The following ATP8A2 variants were observed in gnomAD, a reference collection of about 807,000 sequenced individuals.
ATP8A2 encodes phospholipid-transporting ATPase IB.
Under a neutral mutation model 165.6 loss-of-function variants are expected in ATP8A2, and 100 were observed. The ratio of observed to expected loss-of-function variants is 0.60; its 90% CI spans 0.51 to 0.71. The LOEUF (loss-of-function observed/expected upper bound fraction) is 0.71, where lower values mean the gene tolerates loss of function less well. Among genes scored for constraint, ATP8A2 ranks in the 30% least tolerant of loss-of-function variants. ATP8A2 has a pLI of 0.00. For missense variants in ATP8A2, 1,227 were observed against 1,479.5 expected (o/e 0.83, Z 2.80); for synonymous variants, 543 against 548.8 (o/e 0.99, Z 0.15).
chr13:25,841,612 A>G (rs1363224811), intron 30 of ATP8A2, among the ~76,000 whole-genome samples: 1 of 152,206 alleles, frequency 6.6e-6, no homozygotes, highest in East Asian at 1.9e-4. Context: ...GAAAAAAATC[A>G]TTATATTATT....
chr13:25,711,684 G>T (rs538307436), intron 25 of ATP8A2, among the ~76,000 whole-genome samples: 3 of 152,204 alleles, frequency 2.0e-5, no homozygotes, highest in East Asian at 1.9e-4. Context: ...CTTCCACTAG[G>T]GTCACAAGTC....
At chr13:25,955,064 G>A (rs1389276417) in intron 33 of ATP8A2, among the ~76,000 whole-genome samples, 1 of 152,180 alleles carries the variant, frequency 6.6e-6, no homozygotes, top group East Asian at 1.9e-4. Flanking sequence ...AGCTAAAGGA[G>A]CATGTTCTAA....
chr13:25,671,485 A>C (rs1483334014), intron 24 of ATP8A2, among the ~76,000 whole-genome samples: 2 of 152,198 alleles, frequency 1.3e-5, no homozygotes, highest in African/African-American at 2.4e-5. Context: ...AATATCGCTG[A>C]ATTCTTTTTC....
chr13:25,636,408 G>T (rs1261540002), intron 24 of ATP8A2, among the ~76,000 whole-genome samples: 2 of 152,222 alleles, frequency 1.3e-5, no homozygotes, highest in East Asian at 1.9e-4. Flanking sequence ...GTATCCTCGG[G>T]ATAGAATCCT....
intron 2 of ATP8A2, among the ~76,000 whole-genome samples, chr13:25,509,759 A>G (rs2037162257): frequency 6.6e-6 from 1 of 152,246 alleles, no homozygotes; most frequent in East Asian, 1.9e-4. Context: ...AGTAAATTAA[A>G]TGAAAAGATG....
chr13:25,872,578 C>T (rs1374393232), intron 33 of ATP8A2, among the ~76,000 whole-genome samples: 4 of 152,046 alleles, frequency 2.6e-5, no homozygotes, highest in African/African-American at 7.2e-5. Context: ...CTTCTTTACC[C>T]AAGGAAAAGA....
chr13:25,845,374 C>T (rs1474082563), intron 30 of ATP8A2, among the ~76,000 whole-genome samples: 1 of 152,080 alleles, frequency 6.6e-6, no homozygotes. Context: ...AGGAAGTATT[C>T]AGATTTTTCT....
At chr13:25,743,624 T>G (rs74037420) in intron 25 of ATP8A2, among the ~76,000 whole-genome samples, 4,330 of 152,256 alleles carry the variant, frequency 0.028, 200 homozygotes, top group African/African-American at 0.098. Flanking sequence ...GGTAGATGTA[T>G]CATCAGGTTC....
At chr13:25,381,519 G>T (rs1201063011) in intron 1 of ATP8A2, among the ~76,000 whole-genome samples, 1 of 152,132 alleles carries the variant, frequency 6.6e-6, no homozygotes, top group African/African-American at 2.4e-5. Context: ...TTTTAAAATT[G>T]TTCAAGACTT....
At chr13:25,667,037 A>G (rs756424962) in intron 24 of ATP8A2, among the ~76,000 whole-genome samples, 3 of 152,194 alleles carry the variant, frequency 2.0e-5, no homozygotes, top group Non-Finnish European at 4.4e-5. Flanking sequence ...AAAGTGAACA[A>G]TTCAGTATAT....
chr13:25,655,149 G>A (rs923729860), intron 24 of ATP8A2, among the ~76,000 whole-genome samples: 3 of 152,026 alleles, frequency 2.0e-5, no homozygotes, highest in Admixed American at 2.0e-4. Context: ...TTCTTCAGTG[G>A]AGTTCTTTTT....
Position 25,786,858 on chromosome 13 carries a change from C to T in ATP8A2, c.2679+11899C>T, listed in dbSNP as rs140506610. ...GCAACCTCTGCCTCCTGGGTTTAAGCGATTCTCCTGCCTCAGCCTCCCCAG... is the reference window on the plus strand; with the variant it reads ...GCAACCTCTGCCTCCTGGGTTTAAGTGATTCTCCTGCCTCAGCCTCCCCAG... On this transcript the variant is annotated intron_variant, in intron 27 of 36. Coordinates refer to ENST00000381655, the MANE Select transcript of ATP8A2 (RefSeq NM_016529.6). Among the ~76,000 whole-genome samples the T allele has an allele frequency of 5.6e-3, 837 of 150,608 alleles. 9 individuals carry two copies. The highest frequency in any genetic ancestry group is 0.019 in the African/African-American group (783 of 40,976).
intron 2 of ATP8A2, among the ~76,000 whole-genome samples, chr13:25,511,963 G>A (rs550580834): frequency 8.6e-5 from 13 of 151,618 alleles, no homozygotes; most frequent in South Asian, 2.1e-4. Context: ...TAGGACAATA[G>A]TGGAGGGAAG....
intron 33 of ATP8A2, among the ~76,000 whole-genome samples, chr13:25,910,320 A>C (rs1204858961): frequency 1.3e-5 from 2 of 152,210 alleles, no homozygotes; most frequent in Non-Finnish European, 2.9e-5. Context: ...GATTTGTGTA[A>C]GTCCTCATGC....
intron 1 of ATP8A2, among the ~76,000 whole-genome samples, chr13:25,465,783 C>CTCTTTCTCTCTTTCTTTCTT (rs1566153917): frequency 2.1e-5 from 2 of 93,592 alleles, no homozygotes; most frequent in African/African-American, 1.3e-4. Context: ...CTCTCTTTCT[C>CTCTTTCTCTCTTTCTTTCTT]TCTTTCTTTC....
chr13:25,896,784 G>C (rs1953565654), intron 33 of ATP8A2, among the ~76,000 whole-genome samples: 2 of 152,098 alleles, frequency 1.3e-5, no homozygotes, highest in South Asian at 2.1e-4. Context: ...TTACCATTAT[G>C]TAATGGCCTT....
chr13:25,838,627 A>G (rs1593428897), intron 29 of ATP8A2, among the ~76,000 whole-genome samples: 1 of 151,986 alleles, frequency 6.6e-6, no homozygotes, highest in East Asian at 1.9e-4. Context: ...AAAGCAGGGG[A>G]AAATTCCATT....
intron 27 of ATP8A2, among the ~76,000 whole-genome samples, chr13:25,820,578 G>A (rs76692695): frequency 0.01 from 1,540 of 152,244 alleles, 18 homozygotes; most frequent in African/African-American, 0.035. Flanking sequence ...AAGGCTCTGC[G>A]TTTAGTGTAC....
chr13:25,625,865 A>G (rs2041087411), intron 24 of ATP8A2, among the ~76,000 whole-genome samples: 1 of 152,172 alleles, frequency 6.6e-6, no homozygotes, highest in Non-Finnish European at 1.5e-5. Flanking sequence ...CATTTTACGG[A>G]TGAATATGTT....
Sources: allele counts gnomAD v4.1 joint callset (sites outside exome capture counted in the v4.1 genomes callset), GRCh38; gene constraint gnomAD v4.1.1; transcripts MANE v1.5; gene names NCBI Gene and HGNC (gene_info 2026-07-23, HGNC 2026-07-21).